The following ST18 variants were observed in gnomAD, a reference collection of about 807,000 sequenced individuals.
ST18 encodes the protein ST18 C2H2C-type zinc finger transcription factor.
ST18 carries 50 observed loss-of-function variants against 110.0 expected under a neutral mutation model. That is an observed-to-expected ratio of 0.45 (90% CI 0.36 to 0.58). The LOEUF (loss-of-function observed/expected upper bound fraction) is 0.58, where lower values mean the gene tolerates loss of function less well. Among genes scored for constraint, ST18 ranks in the 20% least tolerant of loss-of-function variants. ST18 has a pLI of 0.00. For missense variants in ST18, 1,306 were observed against 1,280.1 expected, an observed-to-expected ratio of 1.02 and a Z score of -0.31; for synonymous variants, 461 against 452.4, an observed-to-expected ratio of 1.02 and a Z score of -0.24.
rs937145288 is a variant in ST18, at chr8:52,113,104, C to A, written c.*94G>T. 9 of 1,448,810 alleles carry A rather than the reference C, an allele frequency of 6.2e-6. No homozygotes were observed. Among genetic ancestry groups the A allele is most frequent in the Admixed American group, 2.3e-5 (1 of 43,898 alleles). 89.7% of individuals were successfully genotyped at this position (1,448,810 alleles called of 1,614,324 possible). A position where few individuals can be genotyped will look rare whatever the true frequency, so the allele number is the denominator to read the frequency against. On this transcript the variant is annotated 3_prime_UTR_variant, in exon 26 of 26. Coordinates refer to ENST00000689386, the MANE Select transcript of ST18 (RefSeq NM_001352837.2). Reference sequence around the variant, plus strand: ...GTTGCAAATTGTAAATGCAGTACGGCAACCTCCACGCCTTAGCAGTACATG... The same window carrying A: ...GTTGCAAATTGTAAATGCAGTACGGAAACCTCCACGCCTTAGCAGTACATG...
intron 2 of ST18, among the ~76,000 whole-genome samples, chr8:52,278,351 A>T (rs566906183): frequency 6.6e-6 from 1 of 152,374 alleles, no homozygotes; most frequent in South Asian, 2.1e-4. Context: ...AAATAAATGA[A>T]TATACAGAAT....
chr8:52,281,581 AG>A (rs2095377700), intron 2 of ST18, among the ~76,000 whole-genome samples: 1 of 152,230 alleles, frequency 6.6e-6, no homozygotes, highest in Non-Finnish European at 1.5e-5. Flanking sequence ...AGCCTGTCTC[AG>A]AATGATCTAG....
At chr8:52,394,834 A>T (rs140513777) in intron 2 of ST18, among the ~76,000 whole-genome samples, 2 of 152,336 alleles carry the variant, frequency 1.3e-5, no homozygotes, top group African/African-American at 4.8e-5. Flanking sequence ...TAAATGAATG[A>T]AAATTTTACC....
At chr8:52,137,115 A>G (rs112226865) in intron 18 of ST18, among the ~76,000 whole-genome samples, 59 of 152,296 alleles carry the variant, frequency 3.9e-4, no homozygotes, top group African/African-American at 1.4e-3. Flanking sequence ...CCTCGGGCAA[A>G]TGGTCGATTT....
chr8:52,219,365 G>A (rs982107139), intron 5 of ST18, among the ~76,000 whole-genome samples: 4 of 151,884 alleles, frequency 2.6e-5, no homozygotes, highest in Admixed American at 6.6e-5. Flanking sequence ...GAATAGGAGC[G>A]AATTCAGAAA....
At chr8:52,251,155 T>A (rs1462163725) in intron 2 of ST18, among the ~76,000 whole-genome samples, 2 of 152,204 alleles carry the variant, frequency 1.3e-5, no homozygotes, top group South Asian at 2.1e-4. Context: ...TTGGAGCAAC[T>A]AGTTTGAAGT....
chr8:52,267,316 G>A (rs73679004), intron 2 of ST18, among the ~76,000 whole-genome samples: 8,522 of 151,816 alleles, frequency 0.056, 803 homozygotes, highest in African/African-American at 0.2. Context: ...AACCGTCCGG[G>A]AATATGTAGG....
chr8:52,396,430 T>C (rs2141034176), intron 2 of ST18, among the ~76,000 whole-genome samples: 1 of 152,302 alleles, frequency 6.6e-6, no homozygotes, highest in African/African-American at 2.4e-5. Context: ...ATCCATGTGG[T>C]GGCAAATGGC....
At chr8:52,177,534 G>C (rs1587818134) in intron 9 of ST18, among the ~76,000 whole-genome samples, 2 of 152,106 alleles carry the variant, frequency 1.3e-5, no homozygotes, top group African/African-American at 4.8e-5. Context: ...TTTCCTCCTA[G>C]GGGGTGGGGG....
At position 52,238,274 on chromosome 8, in the gene ST18, A is replaced by G. The variant is rs116724493; in HGVS notation, c.-464-8197T>C. Among the ~76,000 whole-genome samples the G allele has an allele frequency of 3.5e-3, 537 of 152,340 alleles. 2 individuals carry two copies. Among genetic ancestry groups the G allele is most frequent in the African/African-American group, 0.011 (450 of 41,586 alleles). ...GAAATTGTACACAAATATTCGTAAC[A>G]GCATTACTCACAGTAGCCAAAAATT... On this transcript the variant is annotated intron_variant, in intron 2 of 25. Coordinates refer to ENST00000689386, the MANE Select transcript of ST18 (RefSeq NM_001352837.2).
chr8:52,150,479 A>C (rs1456087024), intron 15 of ST18, among the ~76,000 whole-genome samples: 1 of 152,180 alleles, frequency 6.6e-6, no homozygotes, highest in Admixed American at 6.5e-5. Context: ...AAAACAACCC[A>C]CTGGAAGAGA....
In ST18 at chr8:52,277,399, C is replaced by T. The variant is rs895790460; in HGVS notation, c.-464-47322G>A. ...CATGGATCTTTTCTTTATCTTAAAG[C>T]ATGATGATACCCCCCAATAGCAGAA... On this transcript the variant is annotated intron_variant, in intron 2 of 25. Coordinates refer to ENST00000689386, the MANE Select transcript of ST18 (RefSeq NM_001352837.2). 3.3e-5 allele frequency among the ~76,000 whole-genome samples: 5 copies of T among 152,300 alleles called. No individual in the cohort carries two copies. The South Asian group carries it at 6.2e-4, about 19-fold the overall frequency.
At chr8:52,405,991 C>G (rs1344798245) in intron 2 of ST18, 1 of 152,196 alleles carries the variant, frequency 6.6e-6, no homozygotes, top group African/African-American at 2.4e-5. Flanking sequence ...TGTACTCAGA[C>G]AGCAATCTGC....
intron 17 of ST18, among the ~76,000 whole-genome samples, chr8:52,138,745 T>A (rs1056871961): frequency 1.9e-4 from 29 of 152,354 alleles, no homozygotes; most frequent in Admixed American, 3.3e-4. Flanking sequence ...CTCAGTGTTA[T>A]TTGCGGTGGT....
chr8:52,130,396 T>C (rs2131462096), intron 22 of ST18, among the ~76,000 whole-genome samples: 1 of 152,272 alleles, frequency 6.6e-6, no homozygotes, highest in African/African-American at 2.4e-5. Flanking sequence ...GCTTAAGCAA[T>C]CGTCCTGCCT....
chr8:52,402,736 C>CT (rs1270845879), intron 2 of ST18, among the ~76,000 whole-genome samples: 1 of 152,144 alleles, frequency 6.6e-6, no homozygotes, highest in African/African-American at 2.4e-5. Context: ...ACAGTTACTG[C>CT]TTGGGCTCTG....
chr8:52,177,239 C>G (rs1269443151), intron 9 of ST18, among the ~76,000 whole-genome samples: 1 of 152,198 alleles, frequency 6.6e-6, no homozygotes, highest in Non-Finnish European at 1.5e-5. Flanking sequence ...ATGGTTTGTC[C>G]ATGTTCTCTT....
chr8:52,214,225 A>C lies in ST18; in HGVS notation c.33T>G (p.Arg11=), dbSNP rs1350846436. 1.2e-6 allele frequency: 2 copies of C among 1,613,998 alleles called. No homozygotes were observed. The highest frequency in any genetic ancestry group is 1.7e-5 in the Admixed American group (1 of 59,998). ...CACCCTCGGTTCCTTTAGAGCGAGT[A>C]CGCAGCGTTTTATCTTCAGCCTCTG... MDAEAEDKTL[R]TRSKGTEVPM... Residue 11 remains arginine (R), a synonymous_variant, in exon 7 of 26, where the codon CGT becomes CGG. Coordinates refer to ENST00000689386, the MANE Select transcript of ST18 (RefSeq NM_001352837.2).
Position 52,113,071 on chromosome 8 carries a change from A to T in ST18, c.*127T>A. ...TATATCAGCTGGGGAAAATAAAATTAGTGCAATGTTGCAAATTGTAAATGC... is the reference window on the plus strand; with the variant it reads ...TATATCAGCTGGGGAAAATAAAATTTGTGCAATGTTGCAAATTGTAAATGC... On this transcript the variant is annotated 3_prime_UTR_variant, in exon 26 of 26. Transcript: ENST00000689386. 1 of 1,040,360 alleles carries T rather than the reference A, an allele frequency of 9.6e-7. No individual in the cohort carries two copies. Among genetic ancestry groups the T allele is most frequent in the Non-Finnish European group, 1.3e-6 (1 of 773,126 alleles). The allele number at this position is 1,040,360 out of a possible 1,614,324, so 64.4% of individuals were successfully genotyped here.
Sources: allele counts gnomAD v4.1 joint callset (sites outside exome capture counted in the v4.1 genomes callset), GRCh38; gene constraint gnomAD v4.1.1; transcripts MANE v1.5; gene names NCBI Gene and HGNC (gene_info 2026-07-23, HGNC 2026-07-21).